The following MERTK variants were observed in gnomAD, a reference collection of about 807,000 sequenced individuals.
MERTK encodes the protein tyrosine-protein kinase Mer.
MERTK carries 69 observed loss-of-function variants against 99.3 expected under a neutral mutation model. The ratio of observed to expected loss-of-function variants is 0.70; its 90% confidence interval spans 0.57 to 0.85. The LOEUF is 0.85. Ranked by LOEUF, MERTK falls within the 40% of genes least tolerant of loss-of-function variation. The pLI is 0.00. For synonymous variants in MERTK, 426 were observed against 467.6 expected, an observed-to-expected ratio of 0.91 and a Z score of 1.15; for missense variants, 1,125 against 1,249.4, an observed-to-expected ratio of 0.90 and a Z score of 1.50.
intron 18 of MERTK, among the ~76,000 whole-genome samples, chr2:112,025,594 A>G (rs966060334): frequency 1.3e-5 from 2 of 152,156 alleles, no homozygotes; most frequent in African/African-American, 4.8e-5. Context: ...TGGGAGTCAC[A>G]GTGGGCTGAG....
At chr2:111,977,691 T>C (rs1016596950) in intron 7 of MERTK, among the ~76,000 whole-genome samples, 3 of 152,204 alleles carry the variant, frequency 2.0e-5, no homozygotes, top group Non-Finnish European at 4.4e-5. Flanking sequence ...ACATATATAT[T>C]AGACCATTTG....
intron 4 of MERTK, among the ~76,000 whole-genome samples, chr2:111,964,077 T>C (rs1485767837): frequency 7.1e-6 from 1 of 141,212 alleles, no homozygotes; most frequent in African/African-American, 2.7e-5. Context: ...AATGTACTTG[T>C]TGGAAGGAGT....
rs115752148 is a variant in MERTK, at chr2:111,907,568, T to G, written c.61+8772T>G. 7.4e-3 allele frequency among the ~76,000 whole-genome samples: 1,126 copies of G among 152,288 alleles called. 17 individuals carry two copies. Among genetic ancestry groups the G allele is most frequent in the African/African-American group, 0.026 (1,086 of 41,534 alleles). ...GGTATATTTCTGAGAATATTGGATC[T>G]CCCCAAACACATATGACCTCTTCCT... is the stretch of plus-strand genomic sequence containing the variant. On this transcript the variant is annotated intron_variant, in intron 1 of 18. Coordinates refer to ENST00000295408, the MANE Select transcript of MERTK (RefSeq NM_006343.3).
intron 1 of MERTK, among the ~76,000 whole-genome samples, chr2:111,923,187 C>G (rs567183331): frequency 6.6e-6 from 1 of 152,324 alleles, no homozygotes; most frequent in East Asian, 1.9e-4. Context: ...ATGCCACCTC[C>G]AGCCTTCAAG....
chr2:111,965,704 A>G (rs1474119133), intron 5 of MERTK, among the ~76,000 whole-genome samples: 3 of 152,070 alleles, frequency 2.0e-5, no homozygotes, highest in Non-Finnish European at 4.4e-5. Context: ...GATCTAGGAA[A>G]TGGACCCTGT....
At position 111,978,604 on chromosome 2, in the gene MERTK, C is replaced by T. The variant is rs117353282; in HGVS notation, c.1144+3132C>T. Among the ~76,000 whole-genome samples, 111 of 152,328 alleles carry T rather than the reference C, an allele frequency of 7.3e-4. No homozygotes were observed. In the East Asian group the frequency reaches 0.021, roughly 29 times the overall value. On this transcript the variant is annotated intron_variant, in intron 7 of 18. Coordinates refer to ENST00000295408, the MANE Select transcript of MERTK (RefSeq NM_006343.3). Reference sequence around the variant, plus strand: ...ATAATAGGGGATTATAGGCATGAGCCACCGTGCCCAGCCTTTTCATAACTG... The same window carrying T: ...ATAATAGGGGATTATAGGCATGAGCTACCGTGCCCAGCCTTTTCATAACTG...
In MERTK at chr2:112,008,354, T is replaced by C; in HGVS notation, c.1868-29T>C. On this transcript the variant is annotated intron_variant, in intron 13 of 18. Transcript: ENST00000295408. ...TCCCCTTAATTGAGTAAATTATCCA[T>C]ACTTAACCTTTTCTATTTTCTCCTC... is the stretch of plus-strand genomic sequence containing the variant. 4 of 1,556,342 alleles carry C rather than the reference T, an allele frequency of 2.6e-6. No individual in the cohort carries two copies. In the South Asian group the frequency reaches 4.5e-5, roughly 17 times the overall value.
chr2:111,912,025 C>T (rs981855834), intron 1 of MERTK, among the ~76,000 whole-genome samples: 4 of 127,206 alleles, frequency 3.1e-5, no homozygotes, highest in Non-Finnish European at 7.1e-5. Context: ...TTATTTATGA[C>T]GGAGTCTCAC....
intron 8 of MERTK, among the ~76,000 whole-genome samples, chr2:111,992,402 T>C (rs944266417): frequency 2.6e-5 from 4 of 152,198 alleles, no homozygotes; most frequent in African/African-American, 9.6e-5. Context: ...TCTGCACCCC[T>C]TCCCATGTGC....
rs1685391816 is a variant in MERTK at position 111,968,062 on chromosome 2, G to A, written c.845-75G>A. 5 of 1,069,906 alleles carry A rather than the reference G, an allele frequency of 4.7e-6. No individual in the cohort carries two copies. In the East Asian group the frequency reaches 1.2e-4, roughly 25 times the overall value. The allele number at this position is 1,069,906 out of a possible 1,614,324, so 66.3% of individuals were successfully genotyped here. A position where few individuals can be genotyped will look rare whatever the true frequency, so the allele number is the denominator to read the frequency against. ...AACGAAAACAGGTATTAATGCATTTGTTTGGTAGCTGTAGCCTGTCATCTA... is the reference window on the plus strand; with the variant it reads ...AACGAAAACAGGTATTAATGCATTTATTTGGTAGCTGTAGCCTGTCATCTA... On this transcript the variant is annotated intron_variant, in intron 5 of 18. Coordinates refer to ENST00000295408, the MANE Select transcript of MERTK (RefSeq NM_006343.3).
chr2:111,993,826 A>G (rs1676679797), intron 8 of MERTK, among the ~76,000 whole-genome samples: 1 of 152,182 alleles, frequency 6.6e-6, no homozygotes, highest in African/African-American at 2.4e-5. Flanking sequence ...TTCAAGGAAC[A>G]GGAGCCCACT....
At chr2:111,962,040 C>T (rs1685260605) in intron 4 of MERTK, among the ~76,000 whole-genome samples, 1 of 152,132 alleles carries the variant, frequency 6.6e-6, no homozygotes, top group Non-Finnish European at 1.5e-5. Context: ...ATTTCCTACA[C>T]ATGTAGACAG....
At chr2:111,978,067 TC>T in intron 7 of MERTK, among the ~76,000 whole-genome samples, 1 of 152,008 alleles carries the variant, frequency 6.6e-6, no homozygotes, top group East Asian at 1.9e-4. Context: ...ACCTTCGCCT[TC>T]TGTGTAGCTG....
At chr2:111,976,522 CTGTGTGTG>C (rs70962971) in intron 7 of MERTK, among the ~76,000 whole-genome samples, 4,394 of 136,764 alleles carry the variant, frequency 0.032, 101 homozygotes, top group Admixed American at 0.064. Context: ...TGACAAAAAC[CTGTGTGTG>C]TGTGTGTGTG....
At chr2:111,979,905 T>C (rs1676333496) in intron 7 of MERTK, among the ~76,000 whole-genome samples, 2 of 152,196 alleles carry the variant, frequency 1.3e-5, no homozygotes, top group African/African-American at 4.8e-5. Context: ...TTTTGGTCCC[T>C]GATATTCAGT....
chr2:111,938,692 G>C (rs1361521661), intron 2 of MERTK, among the ~76,000 whole-genome samples: 1 of 152,188 alleles, frequency 6.6e-6, no homozygotes, highest in Non-Finnish European at 1.5e-5. Flanking sequence ...CCCTCATTCA[G>C]ATGTTTGTAT....
chr2:111,924,050 G>A (rs916307845), intron 1 of MERTK, among the ~76,000 whole-genome samples: 2 of 152,050 alleles, frequency 1.3e-5, no homozygotes, highest in Non-Finnish European at 2.9e-5. Flanking sequence ...AGCCAACAAC[G>A]ATGTGAATGG....
chr2:112,001,266 G>C lies in MERTK; in HGVS notation c.1670G>C (p.Arg557Pro), dbSNP rs374078768. The C allele has an allele frequency of 1.9e-5, 31 of 1,613,650 alleles. No individual in the cohort carries two copies. The highest frequency in any genetic ancestry group is 1.1e-4 in the East Asian group (5 of 44,886). ...TATATAGCAAAGAAATCCTTCTGTC[G>C]GCGAGCCATTGAACTTACCTGTAAG... ...VNYIAKKSFC[R>P]RAIELTLHSL... Residue 557 changes from arginine to proline, a missense_variant, in exon 11 of 19, where the codon CGG (arginine) becomes CCG (proline). Arg to Pro is a moderately radical substitution (Grantham distance 103, BLOSUM62 -2). Coordinates refer to ENST00000295408, the MANE Select transcript of MERTK (RefSeq NM_006343.3).
chr2:112,027,370 C>G (rs1677487192), intron 18 of MERTK, among the ~76,000 whole-genome samples: 1 of 151,008 alleles, frequency 6.6e-6, no homozygotes, highest in Admixed American at 6.6e-5. Context: ...TATGCCTGGC[C>G]CTGAAATGTC....
Sources: gnomAD v4.1 joint callset for allele counts (sites outside exome capture counted in the v4.1 genomes callset) on GRCh38, gnomAD v4.1.1 for gene constraint, MANE v1.5 for transcripts, NCBI Gene and HGNC (gene_info 2026-07-23, HGNC 2026-07-21) for gene names.